The following EGFR variants were observed in gnomAD, a reference collection of about 807,000 sequenced individuals.
EGFR encodes the protein avian erythroblastic leukemia viral (v-erb-b) oncogene homolog.
EGFR carries 58 observed loss-of-function variants against 143.0 expected under a neutral mutation model. The observed-to-expected ratio is 0.41, with a 90% confidence interval of 0.33 to 0.50. The LOEUF (loss-of-function observed/expected upper bound fraction) is 0.50, where lower values mean the gene tolerates loss of function less well. Ranked by LOEUF, EGFR falls within the 20% of genes least tolerant of loss-of-function variation. EGFR has a pLI of 0.39. For missense variants in EGFR, 1,307 were observed against 1,579.0 expected (o/e 0.83, Z 2.92); for synonymous variants, 613 against 594.4 (o/e 1.03, Z -0.45).
At chr7:55,204,315 A>G (rs1029691203) in intron 27 of EGFR, among the ~76,000 whole-genome samples, 1 of 148,598 alleles carries the variant, frequency 6.7e-6, no homozygotes, top group Non-Finnish European at 1.5e-5. Context: ...CACACGCCAC[A>G]CACACACATA....
intron 1 of EGFR, among the ~76,000 whole-genome samples, chr7:55,081,123 C>T (rs28573307): frequency 0.21 from 31,910 of 151,958 alleles, 4,028 homozygotes; most frequent in African/African-American, 0.35. Flanking sequence ...TAGTATTTTT[C>T]CTCATGTAAA....
chr7:55,110,096 T>C, intron 1 of EGFR: 1 of 358,436 alleles, frequency 2.8e-6, no homozygotes, highest in African/African-American at 2.2e-5. Flanking sequence ...CTAGGAATCT[T>C]ATGAGAATTT....
At chr7:55,122,948 G>C (rs1336846587) in intron 1 of EGFR, among the ~76,000 whole-genome samples, 2 of 152,218 alleles carry the variant, frequency 1.3e-5, no homozygotes, top group African/African-American at 2.4e-5. Flanking sequence ...CTGATTAATT[G>C]ATGAATTGAT....
intron 1 of EGFR, among the ~76,000 whole-genome samples, chr7:55,088,054 AACACAC>A (rs3063038): frequency 6.6e-5 from 10 of 150,736 alleles, no homozygotes; most frequent in East Asian, 2.0e-4. Context: ...TCAGGGTATA[AACACAC>A]ACACACACAC....
intron 1 of EGFR, among the ~76,000 whole-genome samples, chr7:55,131,585 G>T (rs951738062): frequency 1.3e-5 from 2 of 152,162 alleles, no homozygotes; most frequent in Non-Finnish European, 2.9e-5. Flanking sequence ...CAGGCGGGGC[G>T]GCTTGGGCCC....
intron 1 of EGFR, among the ~76,000 whole-genome samples, chr7:55,103,990 AG>A (rs1167672641): frequency 6.6e-6 from 1 of 152,216 alleles, no homozygotes; most frequent in African/African-American, 2.4e-5. Context: ...GAAGGGTAGA[AG>A]TTCCTGTGCT....
chr7:55,074,362 T>G (rs1790014906), intron 1 of EGFR, among the ~76,000 whole-genome samples: 1 of 152,222 alleles, frequency 6.6e-6, no homozygotes, highest in Non-Finnish European at 1.5e-5. Context: ...AGATTTAAAT[T>G]CTGGCTTTCT....
chr7:55,054,169 G>A (rs146409292), intron 1 of EGFR, among the ~76,000 whole-genome samples: 264 of 152,296 alleles, frequency 1.7e-3, no homozygotes, highest in African/African-American at 6.2e-3. Context: ...CTTTCTGGAA[G>A]GTATAAAGGC....
chr7:55,028,336 T>C (rs1488057889), intron 1 of EGFR, among the ~76,000 whole-genome samples: 1 of 152,148 alleles, frequency 6.6e-6, no homozygotes, highest in African/African-American at 2.4e-5. Context: ...ACTGTGCATG[T>C]TTTAGTGTCT....
At chr7:55,190,746 C>T (rs924585197) in intron 20 of EGFR, among the ~76,000 whole-genome samples, 3 of 152,226 alleles carry the variant, frequency 2.0e-5, no homozygotes, top group Non-Finnish European at 2.9e-5. Flanking sequence ...GTGGCCCACC[C>T]TCTTGGTGGA....
intron 1 of EGFR, among the ~76,000 whole-genome samples, chr7:55,099,491 G>A (rs757476415): frequency 2.0e-5 from 3 of 152,208 alleles, no homozygotes; most frequent in East Asian, 1.9e-4. Context: ...GCTTGAAATC[G>A]CTAAGCAGGA....
At chr7:55,040,979 TTGA>T (rs1392323196) in intron 1 of EGFR, among the ~76,000 whole-genome samples, 1 of 152,224 alleles carries the variant, frequency 6.6e-6, no homozygotes, top group East Asian at 1.9e-4. Flanking sequence ...CCCTGACAAC[TTGA>T]TGATCTTTCC....
intron 1 of EGFR, among the ~76,000 whole-genome samples, chr7:55,026,603 C>T (rs533419480): frequency 3.3e-5 from 5 of 152,208 alleles, no homozygotes; most frequent in Admixed American, 6.5e-5. Flanking sequence ...GAGATAACCC[C>T]CCTCCAGCAG....
intron 1 of EGFR, among the ~76,000 whole-genome samples, chr7:55,130,041 T>C (rs1308087827): frequency 6.6e-6 from 1 of 152,174 alleles, no homozygotes; most frequent in Non-Finnish European, 1.5e-5. Context: ...AGTTGAATAA[T>C]TGGGACAGGG....
At chr7:55,161,379 G>A in intron 12 of EGFR, 120 bp from the exon 13 acceptor site, 1 of 1,355,360 alleles carries the variant, frequency 7.4e-7, no homozygotes, top group Non-Finnish European at 9.8e-7. Flanking sequence ...GGGGTAGCCA[G>A]CATGTCTGTG....
intron 1 of EGFR, among the ~76,000 whole-genome samples, chr7:55,127,499 C>T (rs1007466327): frequency 7.1e-6 from 1 of 141,156 alleles, no homozygotes; most frequent in Admixed American, 7.1e-5. Context: ...AATTCTTAAA[C>T]TAAAGCACAA....
chr7:55,189,751 G>A (rs973605402), intron 20 of EGFR, among the ~76,000 whole-genome samples: 1 of 152,172 alleles, frequency 6.6e-6, no homozygotes, highest in African/African-American at 2.4e-5. Context: ...CGAACAAAAG[G>A]TACAAATGTG....
chr7:55,054,942 C>T (rs1420125520), intron 1 of EGFR, among the ~76,000 whole-genome samples: 2 of 152,216 alleles, frequency 1.3e-5, no homozygotes, highest in Non-Finnish European at 2.9e-5. Context: ...AGAACCACTC[C>T]AAGCTCCGTG....
chr7:55,024,301 C>A (rs776844066), intron 1 of EGFR, among the ~76,000 whole-genome samples: 81 of 152,322 alleles, frequency 5.3e-4, no homozygotes, highest in Admixed American at 2.2e-3. Context: ...ATTGCATATG[C>A]TTAGAGTAAA....
Sources: allele counts gnomAD v4.1 joint callset (sites outside exome capture counted in the v4.1 genomes callset), GRCh38; gene constraint gnomAD v4.1.1; transcripts MANE v1.5; gene names NCBI Gene and HGNC (gene_info 2026-07-23, HGNC 2026-07-21).